Variants in N4BP2 observed in about 807,000 individuals in gnomAD.
N4BP2 encodes the protein NEDD4 binding protein 2.
Under a neutral mutation model 152.8 loss-of-function variants are expected in N4BP2, and 91 were observed. That is an observed-to-expected ratio of 0.60 (90% CI 0.50 to 0.71). The LOEUF is 0.71. Ranked by LOEUF, N4BP2 falls within the 30% of genes least tolerant of loss-of-function variation. The probability of loss-of-function intolerance (pLI) is 0.00; values close to 1 mark genes in which losing one functional copy is unlikely to be tolerated. For missense variants in N4BP2, 1,923 were observed against 2,059.1 expected, an observed-to-expected ratio of 0.93 and a Z score of 1.28; for synonymous variants, 646 against 705.3, an observed-to-expected ratio of 0.92 and a Z score of 1.33.
At position 40,102,499 on chromosome 4, in the gene N4BP2, T is replaced by G. The variant is rs754746552; in HGVS notation, c.654T>G (p.His218Gln). 1.9e-6 allele frequency: 3 copies of G among 1,614,074 alleles called. No individual in the cohort carries two copies. In the African/African-American group the frequency reaches 4.0e-5, roughly 22 times the overall value. Residue 218 changes from histidine (H) to glutamine (Q), a missense_variant, in exon 4 of 18, where the codon CAT becomes CAG. Transcript: ENST00000261435. ...TAAGTTTAAACCCATTACCTTCACA[T>G]TCAGTTTTGAACGAGTCCAAGTGTT... ...STLSLNPLPSHSVLNESKCFI... is the reference protein window; with the variant it reads ...STLSLNPLPSQSVLNESKCFI...
chr4:40,106,061 T>C (rs141088581), intron 4 of N4BP2, among the ~76,000 whole-genome samples: 98 of 152,316 alleles, frequency 6.4e-4, no homozygotes, highest in African/African-American at 2.3e-3. Flanking sequence ...GCCTGGCACT[T>C]AATAGATGCT....
chr4:40,076,886 TAACTTA>T (rs1301287416), intron 2 of N4BP2, among the ~76,000 whole-genome samples: 2 of 152,198 alleles, frequency 1.3e-5, no homozygotes, highest in Non-Finnish European at 2.9e-5. Flanking sequence ...ATCTTGTAGG[TAACTTA>T]ATCCTTGGGA....
intron 2 of N4BP2, among the ~76,000 whole-genome samples, chr4:40,076,126 CT>C (rs1712707182): frequency 6.6e-6 from 1 of 152,216 alleles, no homozygotes; most frequent in African/African-American, 2.4e-5. Context: ...ATGCCTGCCC[CT>C]GATAGATATA....
chr4:40,142,929 G>A, intron 15 of N4BP2, 68 bp downstream of exon 15: 1 of 1,317,268 alleles, frequency 7.6e-7, no homozygotes. Flanking sequence ...AAGCAGATAA[G>A]ACACCCATAT....
the N4BP2 span, among the ~76,000 whole-genome samples, chr4:40,183,952 G>A: frequency 1.3e-5 from 2 of 152,196 alleles, no homozygotes; most frequent in Admixed American, 6.5e-5. Flanking sequence ...ACTTTAACTG[G>A]TGAGGAGGAC....
intron 2 of N4BP2, among the ~76,000 whole-genome samples, chr4:40,094,807 C>A (rs1714956744): frequency 6.6e-6 from 1 of 151,804 alleles, no homozygotes; most frequent in South Asian, 2.1e-4. Flanking sequence ...CCACCTCGAC[C>A]TCCCAAAACG....
rs1480941840 is a variant in N4BP2 at position 40,102,995 on chromosome 4, G to T, written c.1150G>T (p.Val384Leu). 6.2e-7 allele frequency: 1 copy of T among 1,613,994 alleles called. No individual in the cohort carries two copies. The highest frequency in any genetic ancestry group is 1.3e-5 in the African/African-American group (1 of 74,890). The part of the protein sequence containing the change: ...QGNHGFVAPV[V>L]TTAAHWRSVN... Reference sequence around the variant, plus strand: ...AAACCATGGCTTTGTAGCTCCTGTTGTAACCACAGCTGCACACTGGAGATC... The same window carrying T: ...AAACCATGGCTTTGTAGCTCCTGTTTTAACCACAGCTGCACACTGGAGATC... The change falls in exon 4 of 18, where the codon GTA becomes TTA. Residue 384 changes from valine (V) to leucine (L), a missense_variant. By Grantham distance (32) the Val-to-Leu change is conservative. Transcript: ENST00000261435.
the N4BP2 span, among the ~76,000 whole-genome samples, chr4:40,170,025 A>C: frequency 1.3e-5 from 2 of 151,278 alleles, no homozygotes; most frequent in Non-Finnish European, 3.0e-5. Flanking sequence ...TTAAGAAAAG[A>C]CTCATATTAA....
downstream of N4BP2, among the ~76,000 whole-genome samples, chr4:40,162,785 A>G (rs1490280351): frequency 2.0e-5 from 3 of 152,190 alleles, no homozygotes; most frequent in Non-Finnish European, 4.4e-5. Flanking sequence ...GGCTCCTGTA[A>G]TTTTGGAGGC....
downstream of N4BP2, among the ~76,000 whole-genome samples, chr4:40,163,140 G>A (rs1721902614): frequency 6.6e-6 from 1 of 152,212 alleles, no homozygotes; most frequent in Non-Finnish European, 1.5e-5. Context: ...TGAAGCACAG[G>A]AGAATTAGCT....
downstream of N4BP2, among the ~76,000 whole-genome samples, chr4:40,161,837 A>G (rs1023344042): frequency 6.6e-6 from 1 of 152,230 alleles, no homozygotes; most frequent in African/African-American, 2.4e-5. Context: ...AGTGGATTCT[A>G]GACCTGGCTC....
At chr4:40,079,666 G>A (rs1032459055) in intron 2 of N4BP2, among the ~76,000 whole-genome samples, 12 of 152,130 alleles carry the variant, frequency 7.9e-5, no homozygotes, top group Non-Finnish European at 1.0e-4. Flanking sequence ...AATTAGCTGA[G>A]TGACATGTGC....
chr4:40,123,005 A>G, intron 9 of N4BP2, 122 bp from the exon 10 acceptor site: 1 of 580,934 alleles, frequency 1.7e-6, no homozygotes. Flanking sequence ...AGTAAATAGA[A>G]GCATAAGTTA....
chr4:40,181,777 G>A, the N4BP2 span, among the ~76,000 whole-genome samples: 606 of 152,202 alleles, frequency 4.0e-3, 5 homozygotes, highest in South Asian at 0.017. Flanking sequence ...GTGAAACCCC[G>A]TCTCTACTAA....
intron 1 of N4BP2, among the ~76,000 whole-genome samples, chr4:40,061,341 C>T (rs918544819): frequency 6.7e-6 from 1 of 150,008 alleles, no homozygotes; most frequent in Non-Finnish European, 1.5e-5. Context: ...GGCTAATTTT[C>T]ATATTTTTAT....
chr4:40,060,479 A>C (rs951652501), intron 1 of N4BP2, among the ~76,000 whole-genome samples: 1 of 152,114 alleles, frequency 6.6e-6, no homozygotes, highest in African/African-American at 2.4e-5. Context: ...TCCTGACCTC[A>C]GGTGATCCAC....
At chr4:40,149,048 C>T (rs998748420) in intron 16 of N4BP2, among the ~76,000 whole-genome samples, 9 of 152,174 alleles carry the variant, frequency 5.9e-5, no homozygotes, top group African/African-American at 1.9e-4. Context: ...TGAAAAATTT[C>T]ACTAGTTCTT....
In N4BP2 at chr4:40,122,089, T is replaced by C. The variant is rs1553924528; in HGVS notation, c.3978T>C (p.Asp1326=). The C allele has an allele frequency of 6.4e-7, 1 of 1,571,050 alleles. No homozygotes were observed. Among genetic ancestry groups the C allele is most frequent in the Non-Finnish European group, 8.6e-7 (1 of 1,156,792 alleles). ...NFPKDYVKFS[D]EEEFMNEDEK... ...CAAAGGATTATGTGAAATTTTCAGA[T>C]GAAGAAGAATTTATGAATGAAGATG... is the stretch of plus-strand genomic sequence containing the variant. The change falls in exon 9 of 18, where the codon GAT becomes GAC. Residue 1326 remains aspartate (D), a synonymous_variant. Coordinates refer to ENST00000261435, the MANE Select transcript of N4BP2 (RefSeq NM_018177.6).
rs767664495 is a variant in N4BP2, at chr4:40,126,130, G to T, written c.4331-4G>T. 1.9e-6 allele frequency: 3 copies of T among 1,560,502 alleles called. No individual in the cohort carries two copies. The highest frequency in any genetic ancestry group is 2.6e-6 in the Non-Finnish European group (3 of 1,156,578). On this transcript the variant is annotated splice_region_variant and splice_polypyrimidine_tract_variant and intron_variant, in intron 11 of 17. Transcript: ENST00000261435. Reference sequence around the variant, plus strand: ...AGTATGACAGTATTTATACTACTTTGTAGATCCTTCCTTGGTTGGACATAC... The same window carrying T: ...AGTATGACAGTATTTATACTACTTTTTAGATCCTTCCTTGGTTGGACATAC...
Sources: allele counts gnomAD v4.1 joint callset (sites outside exome capture counted in the v4.1 genomes callset), GRCh38; gene constraint gnomAD v4.1.1; transcripts MANE v1.5; gene names NCBI Gene and HGNC (gene_info 2026-07-23, HGNC 2026-07-21).